CUL1: variants seen among roughly 807,000 people sequenced by gnomAD.
CUL1 encodes cullin 1, also known as cullin-1.
In CUL1, 24 loss-of-function variants were observed where a neutral mutation model predicts 118.0. The ratio of observed to expected loss-of-function variants is 0.20; its 90% confidence interval spans 0.15 to 0.29. The LOEUF (loss-of-function observed/expected upper bound fraction) is 0.29, where lower values mean the gene tolerates loss of function less well. Among genes scored for constraint, CUL1 ranks in the 10% least tolerant of loss-of-function variants. CUL1 has a pLI of 1.00. For synonymous variants in CUL1, 332 were observed against 340.4 expected, an observed-to-expected ratio of 0.98 and a Z score of 0.27; for missense variants, 361 against 933.8, an observed-to-expected ratio of 0.39 and a Z score of 7.99.
intron 9 of CUL1, among the ~76,000 whole-genome samples, chr7:148,781,895 A>G (rs1312151046): frequency 4.6e-5 from 7 of 152,230 alleles, no homozygotes; most frequent in Admixed American, 4.6e-4. Flanking sequence ...AACATGCTAT[A>G]TATAAACCCT....
intron 12 of CUL1, 117 bp from the exon 13 acceptor site, chr7:148,786,872 A>T: frequency 7.2e-7 from 1 of 1,382,854 alleles, no homozygotes; most frequent in Non-Finnish European, 9.9e-7. Flanking sequence ...TGGCGTACAG[A>T]CCTGCCCAAA....
intron 17 of CUL1, among the ~76,000 whole-genome samples, chr7:148,793,520 AT>A (rs1215354750): frequency 6.6e-6 from 1 of 152,160 alleles, no homozygotes; most frequent in Non-Finnish European, 1.5e-5. Context: ...TACTCCAGAC[AT>A]TTCATATAAA....
At position 148,800,700 on chromosome 7, in the gene CUL1, T is replaced by A; in HGVS notation, c.*118T>A. On this transcript the variant is annotated 3_prime_UTR_variant, in exon 22 of 22. Coordinates refer to ENST00000325222, the MANE Select transcript of CUL1 (RefSeq NM_003592.3). The surrounding 1 kb of genome is among the most constrained non-coding windows in gnomAD (Gnocchi z 4.6). The stretch of plus-strand genomic sequence containing the variant: ...GCCATTGGACCTCCCTTTTAAAAAC[T>A]GAGACCAAGACTCCCATCAGCTGGT... The A allele has an allele frequency of 1.4e-6, 1 of 726,692 alleles. No individual in the cohort carries two copies. Among genetic ancestry groups the A allele is most frequent in the Non-Finnish European group, 2.3e-6 (1 of 425,598 alleles). 45.0% of individuals were successfully genotyped at this position (726,692 alleles called of 1,614,324 possible).
intron 7 of CUL1, among the ~76,000 whole-genome samples, chr7:148,765,395 C>T (rs577770409): frequency 5.9e-5 from 9 of 152,176 alleles, no homozygotes; most frequent in Admixed American, 4.6e-4. Context: ...TTTGGGAAGC[C>T]GAGGCAGGAG....
chr7:148,786,849 C>T, intron 12 of CUL1, 140 bp from the exon 13 acceptor site: 1 of 1,131,488 alleles, frequency 8.8e-7, no homozygotes. Context: ...GGAGATTTTG[C>T]CATCATAAAC....
At chr7:148,789,904 C>G (rs1464036671) in intron 15 of CUL1, 78 bp downstream of exon 15, 3 of 1,314,874 alleles carry the variant, frequency 2.3e-6, no homozygotes, top group African/African-American at 1.4e-5. Context: ...TGGAAGGGGA[C>G]AGGCCTGCAG....
In CUL1 at chr7:148,788,666, C is replaced by T; in HGVS notation, c.1589C>T (p.Pro530Leu). 3 of 1,604,044 alleles carry T rather than the reference C, an allele frequency of 1.9e-6. No homozygotes were observed. The highest frequency in any genetic ancestry group is 2.6e-6 in the Non-Finnish European group (3 of 1,171,012). Residue 530 changes from proline (P) to leucine (L), a missense_variant, in exon 14 of 22, where the codon CCC (proline) becomes CTC (leucine). Physicochemically the swap from Pro to Leu is moderately conservative, Grantham distance 98. Coordinates refer to ENST00000325222, the MANE Select transcript of CUL1 (RefSeq NM_003592.3). ...AAAAAGCACTTGACAAACTCAGAAC[C>T]CCTAGACTGTGAGTATCCGTGTGTC... ...QFKKHLTNSE[P>L]LDLDFSIQVL... is the part of the protein sequence containing the mutation.
intron 9 of CUL1, among the ~76,000 whole-genome samples, chr7:148,777,798 G>T (rs1243981939): frequency 6.6e-6 from 1 of 151,800 alleles, no homozygotes; most frequent in Non-Finnish European, 1.5e-5. Context: ...AGGCACGGTG[G>T]GTGATGCCTG....
At chr7:148,768,329 C>T (rs1270652859) in intron 9 of CUL1, among the ~76,000 whole-genome samples, 3 of 151,238 alleles carry the variant, frequency 2.0e-5, no homozygotes, top group Non-Finnish European at 4.4e-5. Context: ...AGTTTTGCTC[C>T]TGTTGTGAAC....
rs372349429 is a variant in CUL1 at position 148,754,162 on chromosome 7, T to C, written c.315+12T>C. The C allele has an allele frequency of 8.6e-5, 130 of 1,520,462 alleles. No homozygotes were observed. In the African/African-American group the frequency reaches 1.7e-3, roughly 20 times the overall value. 94.2% of individuals were successfully genotyped at this position (1,520,462 alleles called of 1,614,324 possible). A position where few individuals can be genotyped will look rare whatever the true frequency, so the allele number is the denominator to read the frequency against. ...CAAATCTTCTTAAGGTAAGATGTTT[T>C]ATATATATACTGAGTATTCATAACA... On this transcript the variant is annotated intron_variant, in intron 3 of 21. Coordinates refer to ENST00000325222, the MANE Select transcript of CUL1 (RefSeq NM_003592.3).
chr7:148,753,442 G>A (rs1305219042), intron 2 of CUL1, among the ~76,000 whole-genome samples: 2 of 151,726 alleles, frequency 1.3e-5, no homozygotes, highest in Non-Finnish European at 2.9e-5. Flanking sequence ...TCTCAGGAGT[G>A]TGTGGACACT....
In CUL1 at chr7:148,752,070, C is replaced by T. The variant is rs182980446; in HGVS notation, c.141-1906C>T. Reference sequence around the variant, plus strand: ...TAGAGGTTGTGAGCTGAGATCACGCCATTGCACTCCAGTCTGGGCAACAAG... The same window carrying T: ...TAGAGGTTGTGAGCTGAGATCACGCTATTGCACTCCAGTCTGGGCAACAAG... On this transcript the variant is annotated intron_variant, in intron 2 of 21. Coordinates refer to ENST00000325222, the MANE Select transcript of CUL1 (RefSeq NM_003592.3). 5.3e-4 allele frequency among the ~76,000 whole-genome samples: 80 copies of T among 152,184 alleles called. No individual in the cohort carries two copies. In the East Asian group the frequency reaches 0.015, roughly 29 times the overall value.
At chr7:148,745,336 C>G (rs1029713365) in intron 2 of CUL1, among the ~76,000 whole-genome samples, 49 of 152,148 alleles carry the variant, frequency 3.2e-4, no homozygotes, top group Admixed American at 3.2e-3. Flanking sequence ...TCAACTACAG[C>G]TGGTCTCTGT....
At chr7:148,712,917 T>A (rs1798095662) in intron 1 of CUL1, among the ~76,000 whole-genome samples, 1 of 152,220 alleles carries the variant, frequency 6.6e-6, no homozygotes, top group African/African-American at 2.4e-5. Context: ...AGTAAAATAT[T>A]TTTTGTGGGA....
At position 148,702,019 on chromosome 7, in the gene CUL1, T is replaced by C. The variant is rs568615901; in HGVS notation, c.-162+2990T>C. On this transcript the variant is annotated intron_variant, in intron 1 of 21. Transcript: ENST00000325222. ...GGGCCAATTCTAAGGTTGCCTTGCT[T>C]TTTAAAAACATTTGGTAGTTTATCA... Among the ~76,000 whole-genome samples, 3 of 152,100 alleles carry C rather than the reference T, an allele frequency of 2.0e-5. No homozygotes were observed. The East Asian group carries it at 5.8e-4, about 29-fold the overall frequency.
chr7:148,771,460 C>G lies in CUL1; in HGVS notation c.1083+3711C>G, dbSNP rs183590940. On this transcript the variant is annotated intron_variant, in intron 9 of 21. Transcript: ENST00000325222. ...AAGGGGAATTTCCCTCATGGCATCT[C>G]CCTCTCGCCACCTAAAAGCTGGCAG... 2.6e-5 allele frequency among the ~76,000 whole-genome samples: 4 copies of G among 152,310 alleles called. No individual in the cohort carries two copies. The East Asian group carries it at 7.7e-4, about 29-fold the overall frequency.
intron 1 of CUL1, among the ~76,000 whole-genome samples, chr7:148,719,168 A>G (rs569878659): frequency 6.6e-6 from 1 of 152,016 alleles, no homozygotes; most frequent in African/African-American, 2.4e-5. Context: ...AAAATTAGCC[A>G]GGCGCGGTGG....
chr7:148,757,468 T>G (rs1799692574), intron 4 of CUL1, among the ~76,000 whole-genome samples: 1 of 152,274 alleles, frequency 6.6e-6, no homozygotes, highest in South Asian at 2.1e-4. Flanking sequence ...TCCTGAGTCC[T>G]GGTAGTCCCA....
At chr7:148,738,124 T>C (rs779972050) in intron 2 of CUL1, among the ~76,000 whole-genome samples, 4 of 152,174 alleles carry the variant, frequency 2.6e-5, no homozygotes, top group African/African-American at 9.7e-5. Context: ...AAGAATTGAT[T>C]CCCCAGGTGT....
Sources: allele counts gnomAD v4.1 joint callset (sites outside exome capture counted in the v4.1 genomes callset), GRCh38; gene constraint gnomAD v4.1.1; non-coding constraint Gnocchi (gnomAD v3.1); transcripts MANE v1.5; gene names NCBI Gene and HGNC (gene_info 2026-07-23, HGNC 2026-07-21).